The following RBFOX1 variants were observed in gnomAD, a reference collection of about 807,000 sequenced individuals.
RBFOX1 encodes RNA binding fox-1 homolog 1.
Under a neutral mutation model 57.7 loss-of-function variants are expected in RBFOX1, and 8 were observed. The ratio of observed to expected loss-of-function variants is 0.14; its 90% CI spans 0.08 to 0.25. The LOEUF is 0.25. RBFOX1 is among the 10% of genes least tolerant of loss of function. The pLI, the probability that RBFOX1 is intolerant of heterozygous loss-of-function variation, is 1.00. For synonymous variants in RBFOX1, 326 were observed against 222.4 expected (o/e 1.47, Z -4.15); for missense variants, 611 against 548.5 (o/e 1.11, Z -1.14).
At position 5,752,340 on chromosome 16, in the gene RBFOX1, T is replaced by C. The variant is rs1165384301; in HGVS notation, c.319-114963T>C. Reference sequence around the variant, plus strand: ...AACAACTAATAGATACTAGGCTTCATACCTGGGTGATGAAATAGTCTGTAC... The same window carrying C: ...AACAACTAATAGATACTAGGCTTCACACCTGGGTGATGAAATAGTCTGTAC... On this transcript the variant is annotated intron_variant, in intron 3 of 19. Coordinates refer to the RBFOX1 transcript ENST00000641259. Among the ~76,000 whole-genome samples the C allele has an allele frequency of 2.6e-5, 4 of 152,204 alleles. No homozygotes were observed. In the East Asian group the frequency reaches 7.7e-4, roughly 29 times the overall value.
intron 3 of RBFOX1, among the ~76,000 whole-genome samples, chr16:5,622,252 A>G (rs118186953): frequency 6.6e-5 from 10 of 152,306 alleles, no homozygotes; most frequent in Non-Finnish European, 1.5e-4. Flanking sequence ...CAAGTTTGAG[A>G]TGTTAGGCTG....
chr16:5,445,284 C>A (rs1395908532), intron 1 of RBFOX1, among the ~76,000 whole-genome samples: 2 of 152,134 alleles, frequency 1.3e-5, no homozygotes, highest in East Asian at 3.9e-4. Flanking sequence ...ATGAAGGTGA[C>A]TTATCTTTCT....
intron 2 of RBFOX1, among the ~76,000 whole-genome samples, chr16:6,407,566 T>A (rs377096328): frequency 1.4e-4 from 3 of 21,930 alleles, no homozygotes; most frequent in African/African-American, 8.1e-4. Flanking sequence ...TGTGTGTGTG[T>A]GACAGAGAGA....
intron 3 of RBFOX1, among the ~76,000 whole-genome samples, chr16:6,922,576 G>A (rs145635585): frequency 8.5e-5 from 13 of 152,056 alleles, no homozygotes; most frequent in East Asian, 5.8e-4. Flanking sequence ...GGCTTTTTTC[G>A]TGTGTGTGGA....
At chr16:7,567,866 C>A (rs1320188120) in intron 5 of RBFOX1, among the ~76,000 whole-genome samples, 4 of 126,044 alleles carry the variant, frequency 3.2e-5, no homozygotes, top group Non-Finnish European at 6.6e-5. Flanking sequence ...CATATATATA[C>A]CTCTCTATAT....
intron 4 of RBFOX1, among the ~76,000 whole-genome samples, chr16:7,144,478 G>A (rs2074523764): frequency 7.3e-6 from 1 of 136,384 alleles, no homozygotes; most frequent in African/African-American, 2.8e-5. Context: ...GAGTGCAGTG[G>A]TGGCACACAC....
At chr16:6,216,658 C>G (rs548216792) in intron 1 of RBFOX1, among the ~76,000 whole-genome samples, 1 of 152,138 alleles carries the variant, frequency 6.6e-6, no homozygotes, top group South Asian at 2.1e-4. Context: ...TTCCTTCTTT[C>G]TTTATTTTTT....
intron 2 of RBFOX1, among the ~76,000 whole-genome samples, chr16:6,416,959 G>C (rs565085293): frequency 1.2e-4 from 18 of 152,244 alleles, no homozygotes; most frequent in African/African-American, 4.3e-4. Flanking sequence ...ATTTTATGGT[G>C]ATCACTTATG....
At chr16:6,932,118 T>G (rs191212494) in intron 3 of RBFOX1, among the ~76,000 whole-genome samples, 1 of 152,098 alleles carries the variant, frequency 6.6e-6, no homozygotes, top group Non-Finnish European at 1.5e-5. Context: ...CTGTTTTTGT[T>G]TTTTCAGATG....
rs538384612 is a variant in RBFOX1, at chr16:7,557,448, C to T, written c.271-22329C>T. On this transcript the variant is annotated intron_variant, in intron 5 of 15. Transcript: ENST00000550418. ...CAGCCTGACCAACATGTTGAAACCC[C>T]GACTTTACTAAAAATATAAAAATTA... Among the ~76,000 whole-genome samples, 18 of 151,588 alleles carry T rather than the reference C, an allele frequency of 1.2e-4. No homozygotes were observed. The South Asian group carries it at 2.1e-3, about 18-fold the overall frequency.
chr16:6,441,272 G>C (rs755362327), intron 2 of RBFOX1, among the ~76,000 whole-genome samples: 2 of 152,146 alleles, frequency 1.3e-5, no homozygotes, highest in Non-Finnish European at 2.9e-5. Flanking sequence ...AAGTATCTCT[G>C]GGGAACAAAT....
At chr16:5,388,511 C>G (rs1339786337) in intron 1 of RBFOX1, among the ~76,000 whole-genome samples, 2 of 152,020 alleles carry the variant, frequency 1.3e-5, no homozygotes, top group East Asian at 3.9e-4. Context: ...ATACTGTGAG[C>G]TGGATTTGGC....
At chr16:5,829,541 C>G (rs2056191412) in intron 3 of RBFOX1, among the ~76,000 whole-genome samples, 1 of 152,102 alleles carries the variant, frequency 6.6e-6, no homozygotes, top group South Asian at 2.1e-4. Context: ...TGTTCAGCTG[C>G]ATATGAGGAT....
intron 1 of RBFOX1, among the ~76,000 whole-genome samples, chr16:6,305,481 C>T (rs572904398): frequency 6.6e-6 from 1 of 152,140 alleles, no homozygotes; most frequent in East Asian, 1.9e-4. Flanking sequence ...CACATACTCA[C>T]ATGCATATGT....
At chr16:7,042,059 A>G (rs2046352957) in intron 3 of RBFOX1, among the ~76,000 whole-genome samples, 1 of 152,048 alleles carries the variant, frequency 6.6e-6, no homozygotes, top group Admixed American at 6.6e-5. Flanking sequence ...GATCTACAGA[A>G]GGGCCCAGTG....
intron 4 of RBFOX1, among the ~76,000 whole-genome samples, chr16:7,163,802 G>A (rs913874663): frequency 2.0e-5 from 3 of 151,964 alleles, no homozygotes; most frequent in African/African-American, 7.3e-5. Context: ...GACTGTAGGC[G>A]CATGCCACCA....
At chr16:6,322,300 A>C (rs913596390) in intron 2 of RBFOX1, among the ~76,000 whole-genome samples, 1 of 152,216 alleles carries the variant, frequency 6.6e-6, no homozygotes, top group Non-Finnish European at 1.5e-5. Context: ...GTTGTTGAAT[A>C]AGCTCATCCT....
chr16:6,617,035 G>T (rs2098152565), intron 2 of RBFOX1, among the ~76,000 whole-genome samples: 1 of 152,080 alleles, frequency 6.6e-6, no homozygotes, highest in Admixed American at 6.5e-5. Context: ...AAAGTTTGTT[G>T]ATTACCGGTA....
chr16:5,522,360 GGGAGCATTGAGGAAACGGT>G (rs1184263729), intron 2 of RBFOX1, among the ~76,000 whole-genome samples: 3 of 152,184 alleles, frequency 2.0e-5, no homozygotes, highest in Admixed American at 1.3e-4. Flanking sequence ...ATAGGTCCTG[GGGAGCATTGAGGAAACGGT>G]GGAGCATCTG....
Sources: allele counts gnomAD v4.1 joint callset (sites outside exome capture counted in the v4.1 genomes callset), GRCh38; gene constraint gnomAD v4.1.1; transcripts MANE v1.5; gene names NCBI Gene and HGNC (gene_info 2026-07-23, HGNC 2026-07-21).